CSGALNACT1: variants seen among roughly 807,000 people sequenced by gnomAD.
CSGALNACT1 encodes chondroitin sulfate N-acetylgalactosaminyltransferase 1.
Under a neutral mutation model 51.0 loss-of-function variants are expected in CSGALNACT1, and 52 were observed. The ratio of observed to expected loss-of-function variants is 1.02; its 90% confidence interval spans 0.82 to 1.29. The LOEUF is 1.29. CSGALNACT1 is among the 50% of genes most tolerant of loss of function. CSGALNACT1 has a pLI of 0.00. For missense variants in CSGALNACT1, 935 were observed against 679.2 expected (o/e 1.38, Z -4.19); for synonymous variants, 341 against 254.4 (o/e 1.34, Z -3.24).
chr8:19,505,950 T>C, exon 4 of CSGALNACT1: 1 of 1,176,526 alleles, frequency 8.5e-7, no homozygotes, highest in Non-Finnish European at 1.2e-6. Flanking sequence ...CCGGAGCTGC[T>C]TGCATCCATT....
At chr8:19,454,929 G>T (rs1420636260) in intron 5 of CSGALNACT1, among the ~76,000 whole-genome samples, 16 of 152,006 alleles carry the variant, frequency 1.1e-4, no homozygotes, top group Middle Eastern at 3.2e-3. Context: ...TATACTTCCG[G>T]TTTTTTTCTA....
At chr8:19,742,193 T>G (rs1355719355) in intron 1 of CSGALNACT1, among the ~76,000 whole-genome samples, 1 of 152,148 alleles carries the variant, frequency 6.6e-6, no homozygotes, top group Non-Finnish European at 1.5e-5. Context: ...TCATTCCCAT[T>G]TTATAGACAA....
intron 3 of CSGALNACT1, among the ~76,000 whole-genome samples, chr8:19,590,228 T>C (rs1472086320): frequency 2.0e-5 from 3 of 152,190 alleles, no homozygotes; most frequent in Admixed American, 2.0e-4. Context: ...TTTAACTAAA[T>C]GGATGATTAC....
chr8:19,509,606 T>C (rs1223706826), intron 3 of CSGALNACT1, among the ~76,000 whole-genome samples: 25 of 111,676 alleles, frequency 2.2e-4, no homozygotes, highest in Non-Finnish European at 4.0e-4. Context: ...TGGGCAACAG[T>C]GCAAGACTCT....
intron 4 of CSGALNACT1, among the ~76,000 whole-genome samples, chr8:19,487,122 C>A (rs1367360402): frequency 1.3e-5 from 2 of 152,198 alleles, no homozygotes; most frequent in Non-Finnish European, 2.9e-5. Flanking sequence ...AATTTTTTCT[C>A]AAGCTGACAA....
intron 3 of CSGALNACT1, among the ~76,000 whole-genome samples, chr8:19,515,319 G>T (rs567057477): frequency 2.6e-5 from 4 of 152,284 alleles, no homozygotes; most frequent in African/African-American, 9.6e-5. Context: ...CTTAGGCTCA[G>T]CCTTCAAGAT....
At chr8:19,527,112 G>T (rs961866925) in intron 3 of CSGALNACT1, among the ~76,000 whole-genome samples, 3 of 152,124 alleles carry the variant, frequency 2.0e-5, no homozygotes, top group Non-Finnish European at 2.9e-5. Context: ...TGACCTTAAG[G>T]AGTTTGAAGT....
At chr8:19,538,749 G>A (rs1377770905) in intron 3 of CSGALNACT1, among the ~76,000 whole-genome samples, 3 of 152,196 alleles carry the variant, frequency 2.0e-5, no homozygotes, top group East Asian at 3.9e-4. Context: ...CAGGATTTGT[G>A]GACTTCACTC....
At chr8:19,427,166 G>A (rs2058896408) in intron 6 of CSGALNACT1, among the ~76,000 whole-genome samples, 1 of 152,178 alleles carries the variant, frequency 6.6e-6, no homozygotes, top group Admixed American at 6.5e-5. Flanking sequence ...GTTTCTTTAG[G>A]AACTTCATTT....
chr8:19,478,930 A>T (rs1184428714), intron 4 of CSGALNACT1, among the ~76,000 whole-genome samples: 2 of 152,142 alleles, frequency 1.3e-5, no homozygotes, highest in African/African-American at 4.8e-5. Context: ...TAATGTTTGG[A>T]TGGTAGGAAA....
rs565154988 is a variant in CSGALNACT1, at chr8:19,757,661, C to A, written c.-297+189G>T. Among the ~76,000 whole-genome samples the A allele has an allele frequency of 1.3e-5, 2 of 152,138 alleles. No homozygotes were observed. Among genetic ancestry groups the A allele is most frequent in the Non-Finnish European group, 2.9e-5 (2 of 68,012 alleles). ...AGAGGTGTCCAATCTCCATGGGGTC[C>A]TTACTCTTGCAGGACAGAGTTCCCC... On this transcript the variant is annotated intron_variant, in intron 1 of 1. Transcript: ENST00000517494. This position sits in a 1 kb window ranked among gnomAD's most constrained non-coding sequence, Gnocchi z 4.0.
chr8:19,566,221 G>A (rs1231484395), intron 3 of CSGALNACT1, among the ~76,000 whole-genome samples: 1 of 152,158 alleles, frequency 6.6e-6, no homozygotes, highest in African/African-American at 2.4e-5. Flanking sequence ...GTAAGAGAGA[G>A]GCAGAGGGAG....
At chr8:19,663,576 C>G (rs955037496) in intron 1 of CSGALNACT1, among the ~76,000 whole-genome samples, 2 of 152,160 alleles carry the variant, frequency 1.3e-5, no homozygotes, top group South Asian at 4.1e-4. Flanking sequence ...GAGCTGACAG[C>G]CTGGGTACAG....
rs372759758 is a variant in CSGALNACT1, at chr8:19,617,950, G to A, written c.-543-16085C>T. Among the ~76,000 whole-genome samples the A allele has an allele frequency of 5.3e-5, 8 of 152,124 alleles. No homozygotes were observed. In the South Asian group the frequency reaches 1.7e-3, roughly 32 times the overall value. ...GCTAGAGAGCAGTGGTGTGATCATA[G>A]TTCACTGCACCCTCAAACTCCTGGG... On this transcript the variant is annotated intron_variant, in intron 1 of 9. Transcript: ENST00000332246.
At chr8:19,555,713 G>C (rs768065615) in intron 3 of CSGALNACT1, among the ~76,000 whole-genome samples, 1 of 152,066 alleles carries the variant, frequency 6.6e-6, no homozygotes, top group Non-Finnish European at 1.5e-5. Context: ...TAGGTTCCAG[G>C]ATTATTGAGA....
intron 1 of CSGALNACT1, among the ~76,000 whole-genome samples, chr8:19,751,858 C>A (rs996642815): frequency 2.0e-4 from 31 of 152,134 alleles, no homozygotes; most frequent in Non-Finnish European, 7.3e-5. Flanking sequence ...GAGGCCTCCC[C>A]AGCCATGCCC....
In CSGALNACT1 at chr8:19,467,153, T is replaced by C. The variant is rs2066894068; in HGVS notation, c.635-8511A>G. Among the ~76,000 whole-genome samples, 4 of 131,880 alleles carry C rather than the reference T, an allele frequency of 3.0e-5. No individual in the cohort carries two copies. The Admixed American group carries it at 3.3e-4, about 11-fold the overall frequency. The allele number at this position is 131,880 out of a possible 152,430, so 86.5% of individuals were successfully genotyped here. ...TTTTTTTTTTGAGACGGAGTCTCAC[T>C]CTGTCACCCAGGCTGGAGTGCAGTG... is the stretch of plus-strand genomic sequence containing the variant. On this transcript the variant is annotated intron_variant, in intron 4 of 9. Transcript: ENST00000454498.
chr8:19,580,103 C>T (rs1347639718), intron 3 of CSGALNACT1, among the ~76,000 whole-genome samples: 5 of 152,212 alleles, frequency 3.3e-5, no homozygotes, highest in Non-Finnish European at 5.9e-5. Flanking sequence ...GGCCAGGTTG[C>T]ACTGGACGAG....
At chr8:19,461,585 G>T (rs1207570557) in intron 4 of CSGALNACT1, among the ~76,000 whole-genome samples, 1 of 138,804 alleles carries the variant, frequency 7.2e-6, no homozygotes, top group Non-Finnish European at 1.6e-5. Flanking sequence ...ATTCACCATG[G>T]GGGGCGTATC....
Sources: allele counts gnomAD v4.1 joint callset (sites outside exome capture counted in the v4.1 genomes callset), GRCh38; gene constraint gnomAD v4.1.1; non-coding constraint Gnocchi (gnomAD v3.1); transcripts MANE v1.5; gene names NCBI Gene and HGNC (gene_info 2026-07-23, HGNC 2026-07-21).